OSBPL10: variants seen among roughly 807,000 people sequenced by gnomAD.
The protein encoded by OSBPL10 is oxysterol-binding protein-related protein 10.
In OSBPL10, 49 loss-of-function variants were observed where a neutral mutation model predicts 81.7. That is an observed-to-expected ratio of 0.60 (90% CI 0.48 to 0.76). OSBPL10 has a LOEUF of 0.76. Among genes scored for constraint, OSBPL10 ranks in the 30% least tolerant of loss-of-function variants. OSBPL10 has a pLI of 0.00. For synonymous variants in OSBPL10, 419 were observed against 383.6 expected, an observed-to-expected ratio of 1.09 and a Z score of -1.08; for missense variants, 923 against 987.8, an observed-to-expected ratio of 0.93 and a Z score of 0.88.
chr3:31,910,506 C>T (rs1044223699), intron 1 of OSBPL10, among the ~76,000 whole-genome samples: 7 of 151,860 alleles, frequency 4.6e-5, no homozygotes, highest in Admixed American at 2.0e-4. Context: ...CTTGGTGGCA[C>T]GCGCCTGTAA....
intron 2 of OSBPL10, among the ~76,000 whole-genome samples, chr3:32,035,655 T>A (rs977761681): frequency 1.1e-4 from 16 of 152,054 alleles, no homozygotes; most frequent in African/African-American, 3.6e-4. Flanking sequence ...AAATAATAGG[T>A]TTGGAAGAGA....
At chr3:31,838,066 T>C (rs1700403662) in intron 3 of OSBPL10, among the ~76,000 whole-genome samples, 2 of 152,158 alleles carry the variant, frequency 1.3e-5, no homozygotes, top group Admixed American at 1.3e-4. Flanking sequence ...AAAGATCAAG[T>C]TAATTTTGAA....
chr3:31,862,494 ATTTTC>A (rs755008424), intron 3 of OSBPL10, among the ~76,000 whole-genome samples: 13,577 of 151,920 alleles, frequency 0.089, 1,409 homozygotes, highest in African/African-American at 0.25. Context: ...CTTTTTTTTT[ATTTTC>A]TAAAAACAAA....
chr3:31,985,988 C>T (rs1453361766), upstream of OSBPL10, among the ~76,000 whole-genome samples: 1 of 152,200 alleles, frequency 6.6e-6, no homozygotes, highest in Non-Finnish European at 1.5e-5. Flanking sequence ...AATTTGGCTA[C>T]TGAGCGTGAG....
intron 1 of OSBPL10, among the ~76,000 whole-genome samples, chr3:31,973,580 A>T (rs1698620074): frequency 6.6e-6 from 1 of 152,190 alleles, no homozygotes; most frequent in Non-Finnish European, 1.5e-5. Flanking sequence ...AAGGAGACAA[A>T]GCTGGAAAGG....
chr3:31,989,166 G>A lies in OSBPL10; in HGVS notation n.298+57325C>T, dbSNP rs773674971. 3.7e-6 allele frequency: 6 copies of A among 1,614,024 alleles called. No individual in the cohort carries two copies. In the South Asian group the frequency reaches 4.4e-5, roughly 12 times the overall value. ...AGGGACACTTGACTTTTAGGGATGT[G>A]GCTATAGAATTCTCTTTGGAGGAGT... is the stretch of plus-strand genomic sequence containing the variant. On this transcript the variant is annotated intron_variant and non_coding_transcript_variant, in intron 2 of 3. Transcript: ENST00000479173.
At chr3:32,020,420 A>G (rs1457762641) in intron 2 of OSBPL10, among the ~76,000 whole-genome samples, 8 of 152,026 alleles carry the variant, frequency 5.3e-5, no homozygotes, top group African/African-American at 1.9e-4. Flanking sequence ...AGCTTTTTTC[A>G]TTTAGCATAA....
At chr3:31,817,139 C>A (rs1039651240) in intron 4 of OSBPL10, among the ~76,000 whole-genome samples, 1 of 152,178 alleles carries the variant, frequency 6.6e-6, no homozygotes, top group Admixed American at 6.5e-5. Flanking sequence ...CAGCCATGGG[C>A]GGGCCTGGAA....
At chr3:32,053,254 A>T (rs1699682671) in intron 1 of OSBPL10, among the ~76,000 whole-genome samples, 1 of 152,238 alleles carries the variant, frequency 6.6e-6, no homozygotes, top group South Asian at 2.1e-4. Flanking sequence ...TTTTGGTAAA[A>T]GGTTATAAGA....
chr3:32,004,787 A>G (rs1036160292), intron 2 of OSBPL10, among the ~76,000 whole-genome samples: 2 of 152,222 alleles, frequency 1.3e-5, no homozygotes, highest in Non-Finnish European at 2.9e-5. Context: ...CTTAGCCTCT[A>G]AAACAATGCA....
chr3:31,851,198 T>C (rs765187122), intron 3 of OSBPL10, among the ~76,000 whole-genome samples: 1 of 152,232 alleles, frequency 6.6e-6, no homozygotes, highest in Admixed American at 6.5e-5. Flanking sequence ...CAGTCTGTAC[T>C]ATGCATCCCA....
At chr3:31,723,906 T>C (rs890809652) in intron 6 of OSBPL10, among the ~76,000 whole-genome samples, 4 of 152,090 alleles carry the variant, frequency 2.6e-5, no homozygotes, top group Non-Finnish European at 4.4e-5. Flanking sequence ...AAAATAAAAA[T>C]ATAAGCCAGG....
intron 1 of OSBPL10, among the ~76,000 whole-genome samples, chr3:31,927,004 G>A (rs1056517419): frequency 1.3e-4 from 20 of 152,168 alleles, no homozygotes; most frequent in African/African-American, 4.1e-4. Flanking sequence ...CCAGCTACTC[G>A]GGAGACTGAG....
rs2125442638 is a variant in OSBPL10, at chr3:32,062,010, C to T, written n.185+15386G>A. Among the ~76,000 whole-genome samples, 2 of 93,586 alleles carry T rather than the reference C, an allele frequency of 2.1e-5. 1 individual carries two copies. The allele number at this position is 93,586 out of a possible 152,430, so 61.4% of individuals were successfully genotyped here. ...CCATGGTTGGTTGAATATGCAGATG[C>T]AGTATCAACGGACATGGAGACCCAA... On this transcript the variant is annotated intron_variant and non_coding_transcript_variant, in intron 1 of 3. Coordinates refer to the OSBPL10 transcript ENST00000479173.
intron 4 of OSBPL10, among the ~76,000 whole-genome samples, chr3:31,817,667 A>G (rs545157470): frequency 6.6e-6 from 1 of 152,146 alleles, no homozygotes; most frequent in African/African-American, 2.4e-5. Context: ...CCCGCCAAGG[A>G]GGGCAGGCTC....
chr3:31,917,488 C>T (rs1696792287), intron 1 of OSBPL10, among the ~76,000 whole-genome samples: 1 of 151,768 alleles, frequency 6.6e-6, no homozygotes, highest in African/African-American at 2.4e-5. Flanking sequence ...TAGGTAACCC[C>T]CAGCTGAAAG....
intron 1 of OSBPL10, among the ~76,000 whole-genome samples, chr3:32,057,531 A>C (rs1447980482): frequency 6.6e-6 from 1 of 152,188 alleles, no homozygotes; most frequent in East Asian, 1.9e-4. Flanking sequence ...AGGCAAAGGG[A>C]AAGCAAGGCA....
At chr3:31,663,205 C>CT in intron 11 of OSBPL10, 1 of 985,210 alleles carries the variant, frequency 1.0e-6, no homozygotes, top group Non-Finnish European at 1.2e-6. Context: ...TTTTGATTGC[C>CT]TACTGGTATT....
At chr3:31,879,621 G>A (rs1575596544) in intron 2 of OSBPL10, 34 bp downstream of exon 2, 1 of 1,578,034 alleles carries the variant, frequency 6.3e-7, no homozygotes, top group Non-Finnish European at 8.6e-7. Flanking sequence ...GCAACTAGAG[G>A]CCTGTCTGAA....
Sources: allele counts gnomAD v4.1 joint callset (sites outside exome capture counted in the v4.1 genomes callset), GRCh38; gene constraint gnomAD v4.1.1; transcripts MANE v1.5; gene names NCBI Gene and HGNC (gene_info 2026-07-23, HGNC 2026-07-21).